The following PHF21A variants were observed in gnomAD, a reference collection of about 807,000 sequenced individuals.
The protein encoded by PHF21A is PHD finger protein 21A, also known as BHC80a.
PHF21A carries 11 observed loss-of-function variants against 82.5 expected under a neutral mutation model. That is an observed-to-expected ratio of 0.13 (90% CI 0.08 to 0.22). The LOEUF (loss-of-function observed/expected upper bound fraction) is 0.22, where lower values mean the gene tolerates loss of function less well. Ranked by LOEUF, PHF21A falls within the 10% of genes least tolerant of loss-of-function variation. PHF21A has a pLI of 1.00. For missense variants in PHF21A, 579 were observed against 837.8 expected, an observed-to-expected ratio of 0.69 and a Z score of 3.81; for synonymous variants, 297 against 302.8, an observed-to-expected ratio of 0.98 and a Z score of 0.20.
intron 6 of PHF21A, among the ~76,000 whole-genome samples, chr11:46,003,599 A>G (rs949062585): frequency 6.6e-6 from 1 of 152,172 alleles, no homozygotes; most frequent in Non-Finnish European, 1.5e-5. Flanking sequence ...AAACGCTACA[A>G]TTCTCACTAG....
chr11:46,046,895 AG>A (rs2096267313), intron 6 of PHF21A, among the ~76,000 whole-genome samples: 1 of 152,206 alleles, frequency 6.6e-6, no homozygotes, highest in Non-Finnish European at 1.5e-5. Flanking sequence ...CCATGATGAA[AG>A]TTTGAGTCAA....
At position 45,930,210 on chromosome 11, in the gene PHF21A, C is replaced by CAT. The variant is rs1190493055; in HGVS notation, c.*3757_*3758insAT. On this transcript the variant is annotated 3_prime_UTR_variant, in exon 19 of 19. Coordinates refer to ENST00000676320, the MANE Select transcript of PHF21A (RefSeq NM_001352027.3). Reference sequence around the variant, plus strand: ...TCTGATGGCCCCAAGAGAGAAGTATCAGAGGTGGCTGGAGAGGCAGCCGTG... The same window carrying CAT: ...TCTGATGGCCCCAAGAGAGAAGTATCATAGAGGTGGCTGGAGAGGCAGCCGTG... 6.6e-6 allele frequency: 1 copy of CAT among 152,364 alleles called. No individual in the cohort carries two copies. Among genetic ancestry groups the CAT allele is most frequent in the African/African-American group, 2.4e-5 (1 of 41,464 alleles). The allele number at this position is 152,364 out of a possible 1,614,324, so 9.4% of individuals were successfully genotyped here. A position where few individuals can be genotyped will look rare whatever the true frequency, so the allele number is the denominator to read the frequency against.
At chr11:45,964,200 A>AAATAATAATAAT (rs58644528) in intron 10 of PHF21A, among the ~76,000 whole-genome samples, 37,185 of 134,286 alleles carry the variant, frequency 0.28, 5,568 homozygotes, top group South Asian at 0.34. Context: ...CTCCATCTCA[A>AAATAATAATAAT]AATAATAATA....
chr11:46,074,231 T>C (rs948837105), intron 6 of PHF21A, among the ~76,000 whole-genome samples: 12 of 150,806 alleles, frequency 8.0e-5, no homozygotes, highest in African/African-American at 2.7e-4. Flanking sequence ...TTGAAAAAAA[T>C]GATTACAGAA....
intron 6 of PHF21A, among the ~76,000 whole-genome samples, chr11:45,995,591 T>C (rs2094880207): frequency 6.6e-6 from 1 of 152,172 alleles, no homozygotes; most frequent in South Asian, 2.1e-4. Flanking sequence ...TACACTCCAT[T>C]AACCTTCCAC....
At chr11:46,056,667 C>T (rs2096462030) in intron 6 of PHF21A, among the ~76,000 whole-genome samples, 1 of 152,120 alleles carries the variant, frequency 6.6e-6, no homozygotes. Context: ...GTTTACTTCA[C>T]CAATAATGGC....
At chr11:46,107,142 C>G (rs1031979344) in intron 1 of PHF21A, among the ~76,000 whole-genome samples, 1 of 152,146 alleles carries the variant, frequency 6.6e-6, no homozygotes, top group African/African-American at 2.4e-5. Flanking sequence ...AAATCTCATC[C>G]TTTTAAAAAT....
At chr11:46,112,190 CA>C (rs756337280) in intron 1 of PHF21A, among the ~76,000 whole-genome samples, 1 of 152,118 alleles carries the variant, frequency 6.6e-6, no homozygotes, top group African/African-American at 2.4e-5. Flanking sequence ...AACTGAGGTG[CA>C]AGGACATTTT....
intron 3 of PHF21A, among the ~76,000 whole-genome samples, chr11:46,088,083 T>A (rs1292636954): frequency 6.6e-6 from 1 of 152,188 alleles, no homozygotes. Flanking sequence ...GTCTTGGACA[T>A]CTCATGCAGT....
At chr11:45,973,601 T>C (rs1441489355) in intron 7 of PHF21A, among the ~76,000 whole-genome samples, 1 of 152,214 alleles carries the variant, frequency 6.6e-6, no homozygotes, top group African/African-American at 2.4e-5. Flanking sequence ...CGATCAGTGA[T>C]GAAAACCAAA....
chr11:46,114,988 T>C (rs1437908315), intron 1 of PHF21A, among the ~76,000 whole-genome samples: 1 of 152,202 alleles, frequency 6.6e-6, no homozygotes, highest in Non-Finnish European at 1.5e-5. Flanking sequence ...ATCCCCTTCC[T>C]ATCCCCTCCA....
intron 6 of PHF21A, among the ~76,000 whole-genome samples, chr11:46,039,922 G>A (rs2096091348): frequency 1.3e-5 from 2 of 152,126 alleles, no homozygotes; most frequent in Non-Finnish European, 2.9e-5. Context: ...AGACTTCCAA[G>A]TAATACATCT....
At position 45,999,860 on chromosome 11, in the gene PHF21A, G is replaced by GT. The variant is rs141987571; in HGVS notation, c.154-19895dup. On this transcript the variant is annotated intron_variant, in intron 6 of 18. Transcript: ENST00000676320. ...ACTGCCTCCAGTATATAGAAACATCGTAACTTTTCTCTTGAGGATGAGGCA... is the reference window on the plus strand; with the variant it reads ...ACTGCCTCCAGTATATAGAAACATCGTTAACTTTTCTCTTGAGGATGAGGCA... Among the ~76,000 whole-genome samples the GT allele has an allele frequency of 7.1e-3, 1,078 of 152,276 alleles. 11 individuals are homozygous for GT. Among genetic ancestry groups the GT allele is most frequent in the African/African-American group, 0.025 (1,025 of 41,556 alleles).
chr11:45,978,383 AGTAT>A (rs1342782638), intron 7 of PHF21A, among the ~76,000 whole-genome samples: 2 of 152,156 alleles, frequency 1.3e-5, no homozygotes, highest in African/African-American at 2.4e-5. Context: ...TAGGGTGAGG[AGTAT>A]GTCCATTATG....
At chr11:46,009,789 G>A (rs2095375288) in intron 6 of PHF21A, among the ~76,000 whole-genome samples, 2 of 152,122 alleles carry the variant, frequency 1.3e-5, no homozygotes, top group Admixed American at 1.3e-4. Context: ...TGTTTTATGT[G>A]TTCTGCTTTG....
intron 4 of PHF21A, among the ~76,000 whole-genome samples, chr11:46,081,924 C>T (rs2096797136): frequency 6.6e-6 from 1 of 152,102 alleles, no homozygotes; most frequent in Non-Finnish European, 1.5e-5. Flanking sequence ...TACTGTGTGT[C>T]CCTTTACAAA....
At chr11:45,969,194 C>A (rs1277494143) in intron 9 of PHF21A, among the ~76,000 whole-genome samples, 1 of 152,182 alleles carries the variant, frequency 6.6e-6, no homozygotes, top group Non-Finnish European at 1.5e-5. Context: ...GAAGTCAACA[C>A]TCCTCAAGGT....
rs2094351119 is a variant in PHF21A at position 45,982,807 on chromosome 11, A to G, written c.154-2841T>C. On this transcript the variant is annotated intron_variant, in intron 6 of 18. Coordinates refer to ENST00000676320, the MANE Select transcript of PHF21A (RefSeq NM_001352027.3). ...ACAATAAAAAACCCAAAACAGATCA[A>G]ATCAGAAGAAGGAGATAAATCAGGA... 2.0e-5 allele frequency among the ~76,000 whole-genome samples: 3 copies of G among 152,216 alleles called. 1 individual carries two copies. In the South Asian group the frequency reaches 6.2e-4, roughly 32 times the overall value.
chr11:46,043,605 C>CA (rs1417904602), intron 6 of PHF21A, among the ~76,000 whole-genome samples: 5 of 149,406 alleles, frequency 3.3e-5, no homozygotes, highest in Non-Finnish European at 7.5e-5. Flanking sequence ...GCAGTATTAA[C>CA]ACGTTACAAA....
Sources: allele counts gnomAD v4.1 joint callset (sites outside exome capture counted in the v4.1 genomes callset), GRCh38; gene constraint gnomAD v4.1.1; transcripts MANE v1.5; gene names NCBI Gene and HGNC (gene_info 2026-07-23, HGNC 2026-07-21).